RORA: variants seen among roughly 807,000 people sequenced by gnomAD.
The protein encoded by RORA is nuclear receptor ROR-alpha.
RORA carries 7 observed loss-of-function variants against 69.5 expected under a neutral mutation model. The observed-to-expected ratio is 0.10, with a 90% CI of 0.06 to 0.19. RORA has a LOEUF of 0.19. RORA is among the 10% of genes least tolerant of loss of function. RORA has a pLI of 1.00. For synonymous variants in RORA, 261 were observed against 240.8 expected (o/e 1.08, Z -0.78); for missense variants, 457 against 663.0 (o/e 0.69, Z 3.41).
chr15:60,679,963 A>G (rs2070618791), intron 1 of RORA, among the ~76,000 whole-genome samples: 1 of 152,138 alleles, frequency 6.6e-6, no homozygotes, highest in Non-Finnish European at 1.5e-5. Flanking sequence ...ATCATGTTTG[A>G]GTTGGCTTCA....
intron 1 of RORA, among the ~76,000 whole-genome samples, chr15:61,010,331 C>T (rs1482394600): frequency 6.6e-6 from 1 of 152,182 alleles, no homozygotes; most frequent in Middle Eastern, 3.2e-3. Flanking sequence ...TGAGTCCCAT[C>T]TGAGATGTCC....
At chr15:60,986,771 C>T (rs538746153) in intron 1 of RORA, among the ~76,000 whole-genome samples, 1 of 152,318 alleles carries the variant, frequency 6.6e-6, no homozygotes, top group African/African-American at 2.4e-5. Flanking sequence ...ACTCTCAAAG[C>T]TGTCACATGG....
chr15:61,069,793 G>C (rs534695509), intron 1 of RORA, among the ~76,000 whole-genome samples: 9 of 152,152 alleles, frequency 5.9e-5, no homozygotes, highest in South Asian at 2.1e-4. Flanking sequence ...ATTTTCAGGA[G>C]GTATGTCTAC....
At chr15:61,221,627 C>T (rs528107114) in intron 1 of RORA, among the ~76,000 whole-genome samples, 1 of 152,318 alleles carries the variant, frequency 6.6e-6, no homozygotes, top group South Asian at 2.1e-4. Flanking sequence ...TTCTTTCACA[C>T]ACGCCTACCA....
intron 2 of RORA, among the ~76,000 whole-genome samples, chr15:60,590,159 C>T (rs1256805651): frequency 7.0e-6 from 1 of 143,204 alleles, no homozygotes; most frequent in East Asian, 2.1e-4. Flanking sequence ...GATGCATTCT[C>T]TCTCCCTCTT....
At chr15:60,717,364 G>A (rs556555525) in intron 1 of RORA, among the ~76,000 whole-genome samples, 25 of 152,272 alleles carry the variant, frequency 1.6e-4, no homozygotes, top group South Asian at 4.1e-4. Flanking sequence ...TGCCTTGTAC[G>A]CAACCATTCA....
intron 1 of RORA, among the ~76,000 whole-genome samples, chr15:60,881,293 C>A (rs74597060): frequency 1.9e-4 from 29 of 152,250 alleles, no homozygotes; most frequent in Non-Finnish European, 3.4e-4. Flanking sequence ...TCTGCTGTTT[C>A]CAGCCCCACT....
intron 2 of RORA, among the ~76,000 whole-genome samples, chr15:60,581,500 A>C (rs2068194321): frequency 2.6e-5 from 4 of 152,246 alleles, no homozygotes; most frequent in Admixed American, 2.6e-4. Context: ...GTCTAGGGCA[A>C]ACGTGGCTGT....
In RORA at chr15:60,957,366, C is replaced by T. The variant is rs546895173; in HGVS notation, c.166+271687G>A. ...TTGCCAAGAAAGGCAGGTGAGGACT[C>T]CATTGTGCCTGTCATCCTTCAGCAT... On this transcript the variant is annotated intron_variant, in intron 1 of 10. Coordinates refer to ENST00000335670, the MANE Select transcript of RORA (RefSeq NM_134261.3). 4.6e-5 allele frequency among the ~76,000 whole-genome samples: 7 copies of T among 152,310 alleles called. No homozygotes were observed. In the South Asian group the frequency reaches 1.5e-3, roughly 32 times the overall value.
At chr15:60,664,097 A>C (rs1439250565) in intron 2 of RORA, among the ~76,000 whole-genome samples, 1 of 152,202 alleles carries the variant, frequency 6.6e-6, no homozygotes, top group Admixed American at 6.5e-5. Context: ...CTCCTAAATG[A>C]TACTGTCCCT....
At chr15:61,049,347 G>A (rs1240265000) in intron 1 of RORA, among the ~76,000 whole-genome samples, 1 of 152,174 alleles carries the variant, frequency 6.6e-6, no homozygotes, top group East Asian at 1.9e-4. Flanking sequence ...TTTAATGCAT[G>A]AGGCTCGTTT....
intron 2 of RORA, among the ~76,000 whole-genome samples, chr15:60,549,918 A>G (rs1186822805): frequency 6.6e-6 from 1 of 152,206 alleles, no homozygotes; most frequent in African/African-American, 2.4e-5. Context: ...AGCTCATTTT[A>G]TGAAACGAAA....
At chr15:60,826,973 T>C (rs1166796237) in intron 1 of RORA, among the ~76,000 whole-genome samples, 1 of 152,220 alleles carries the variant, frequency 6.6e-6, no homozygotes, top group African/African-American at 2.4e-5. Context: ...TCTTAGTGGG[T>C]ATACCAAAGC....
At chr15:60,613,098 G>A (rs1596058208) in intron 2 of RORA, among the ~76,000 whole-genome samples, 1 of 151,676 alleles carries the variant, frequency 6.6e-6, no homozygotes, top group East Asian at 1.9e-4. Flanking sequence ...CAAATGTGTT[G>A]CATAAGTCAT....
intron 1 of RORA, among the ~76,000 whole-genome samples, chr15:60,786,920 T>C (rs1376314639): frequency 6.6e-6 from 1 of 152,212 alleles, no homozygotes; most frequent in Non-Finnish European, 1.5e-5. Context: ...AGCAGACGAA[T>C]GATCACAGAG....
intron 1 of RORA, among the ~76,000 whole-genome samples, chr15:61,017,708 C>T (rs1470544258): frequency 6.6e-6 from 1 of 151,994 alleles, no homozygotes; most frequent in African/African-American, 2.4e-5. Flanking sequence ...ACGAGCCCCC[C>T]AAAAAGGCAA....
At chr15:61,224,314 G>A (rs977604332) in intron 1 of RORA, among the ~76,000 whole-genome samples, 4 of 152,220 alleles carry the variant, frequency 2.6e-5, no homozygotes, top group African/African-American at 9.7e-5. Context: ...AATAGGAGAG[G>A]TGCGTTTCCT....
chr15:61,185,819 G>A (rs774239719), intron 1 of RORA, among the ~76,000 whole-genome samples: 17 of 152,068 alleles, frequency 1.1e-4, no homozygotes, highest in African/African-American at 3.1e-4. Context: ...GAAGGTCGTC[G>A]GCAGTCACAC....
At chr15:60,754,762 G>A (rs1391375330) in intron 1 of RORA, among the ~76,000 whole-genome samples, 1 of 152,124 alleles carries the variant, frequency 6.6e-6, no homozygotes, top group African/African-American at 2.4e-5. Context: ...ATACAGATGA[G>A]GAAACTAGGA....
Sources: allele counts gnomAD v4.1 joint callset (sites outside exome capture counted in the v4.1 genomes callset), GRCh38; gene constraint gnomAD v4.1.1; transcripts MANE v1.5; gene names NCBI Gene and HGNC (gene_info 2026-07-23, HGNC 2026-07-21).